NME6: variants seen among roughly 807,000 people sequenced by gnomAD.
The protein encoded by NME6 is NME/NM23 nucleoside diphosphate kinase 6, also known as nucleoside diphosphate kinase 6, mitochondrial.
A neutral mutation model predicts 22.2 loss-of-function variants in NME6; 16 were observed. The observed-to-expected ratio is 0.72, with a 90% CI of 0.49 to 1.09. The LOEUF (loss-of-function observed/expected upper bound fraction) is 1.09, where lower values mean the gene tolerates loss of function less well. NME6 is among the 50% of genes least tolerant of loss of function. The probability of loss-of-function intolerance (pLI) is 0.00; values close to 1 mark genes in which losing one functional copy is unlikely to be tolerated. For synonymous variants in NME6, 58 were observed against 85.2 expected (o/e 0.68, Z 1.76); for missense variants, 229 against 239.0 (o/e 0.96, Z 0.28).
At position 48,293,079 on chromosome 3, in the gene NME6, T is replaced by C. The variant is rs1401224042; in HGVS notation, c.*1558A>G. On this transcript the variant is annotated 3_prime_UTR_variant, in exon 6 of 6. Coordinates refer to ENST00000442597, the MANE Select transcript of NME6 (RefSeq NM_001308426.2). ...ATCCTGTGTTTTCTGCCAGCATTCA[T>C]GAAGCTGGCTCCCTAACACAAGAAG... 1 of 152,252 alleles carries C rather than the reference T, an allele frequency of 6.6e-6. No individual in the cohort carries two copies. The highest frequency in any genetic ancestry group is 1.5e-5 in the Non-Finnish European group (1 of 68,054). The allele number at this position is 152,252 out of a possible 1,614,324, so 9.4% of individuals were successfully genotyped here.
downstream of NME6, chr3:48,291,757 TTTG>T (rs2034497400): frequency 6.6e-6 from 1 of 152,264 alleles, no homozygotes; most frequent in Admixed American, 6.6e-5. Context: ...TAGGCAATAG[TTTG>T]TTTTGTTTTG....
At chr3:48,301,087 C>T (rs2035646762) in intron 1 of NME6, among the ~76,000 whole-genome samples, 1 of 152,136 alleles carries the variant, frequency 6.6e-6, no homozygotes, top group South Asian at 2.1e-4. Context: ...CACTGCCACC[C>T]CAGCACTCGA....
In NME6 at chr3:48,296,112, GA is replaced by G; in HGVS notation, c.233+6del. 6.3e-7 allele frequency: 1 copy of G among 1,598,358 alleles called. No homozygotes were observed. The highest frequency in any genetic ancestry group is 1.1e-5 in the South Asian group (1 of 90,732). Reference sequence around the variant, plus strand: ...GGATAAAGATGCTGGAACCAAATTTGAAGTACCTGGCCATGAACTCCACCAG... The same window carrying G: ...GGATAAAGATGCTGGAACCAAATTTGAGTACCTGGCCATGAACTCCACCAG... On this transcript the variant is annotated splice_donor_region_variant and intron_variant, in intron 4 of 5. Coordinates refer to ENST00000442597, the MANE Select transcript of NME6 (RefSeq NM_001308426.2).
downstream of NME6, chr3:48,290,988 T>C: frequency 3.4e-6 from 1 of 290,008 alleles, no homozygotes. Flanking sequence ...TGCGTGGTAA[T>C]TTGGTAATCG....
chr3:48,294,065 CA>C lies in NME6; in HGVS notation c.*571del, dbSNP rs1312232807. 1 of 150,252 alleles carries C rather than the reference CA, an allele frequency of 6.7e-6. No individual in the cohort carries two copies. Among genetic ancestry groups the C allele is most frequent in the Non-Finnish European group, 1.5e-5 (1 of 67,792 alleles). 9.3% of individuals were successfully genotyped at this position (150,252 alleles called of 1,614,324 possible). ...GTTTGGAGTCACTGCATTTTTTAGGCAAGTCAATTAGACAAGCTTCTTTTTT... is the reference window on the plus strand; with the variant it reads ...GTTTGGAGTCACTGCATTTTTTAGGCAGTCAATTAGACAAGCTTCTTTTTT... On this transcript the variant is annotated 3_prime_UTR_variant, in exon 6 of 6. Transcript: ENST00000442597.
At chr3:48,298,805 C>A in intron 1 of NME6, 1 of 609,542 alleles carries the variant, frequency 1.6e-6, no homozygotes, top group Admixed American at 2.8e-5. Context: ...AAAAGAAACT[C>A]AAGTTTAAAT....
At chr3:48,289,281 C>T (rs2034305671), downstream of NME6, among the ~76,000 whole-genome samples, 1 of 152,116 alleles carries the variant, frequency 6.6e-6, no homozygotes, top group South Asian at 2.1e-4. Flanking sequence ...TCAGGCTGGT[C>T]TCGAACTCCC....
chr3:48,295,404 C>A, intron 4 of NME6, 169 bp from the exon 5 acceptor site: 1 of 718,042 alleles, frequency 1.4e-6, no homozygotes, highest in South Asian at 1.9e-5. Context: ...TGCTGGTGTA[C>A]ATCAAGCCTG....
At chr3:48,291,546 GTTT>G (rs560012208), downstream of NME6, 1,022 of 169,860 alleles carry the variant, frequency 6.0e-3, 6 homozygotes, top group Middle Eastern at 0.011. Flanking sequence ...ACCCAGCTAA[GTTT>G]TTTATTTTTA....
chr3:48,297,922 C>G (rs1218602320), intron 2 of NME6: 1 of 166,746 alleles, frequency 6.0e-6, no homozygotes, highest in Non-Finnish European at 1.3e-5. Context: ...TGAAGGCCAA[C>G]AGGGAAATGG....
At chr3:48,296,251 A>T in intron 3 of NME6, 93 bp from the exon 4 acceptor site, 1 of 1,567,976 alleles carries the variant, frequency 6.4e-7, no homozygotes, top group Non-Finnish European at 8.7e-7. Flanking sequence ...AATAATAAAA[A>T]TTGTTTCAGA....
At chr3:48,290,947 C>CTAA, downstream of NME6, 1 of 274,566 alleles carries the variant, frequency 3.6e-6, no homozygotes, top group Non-Finnish European at 7.2e-6. Flanking sequence ...ACTCTCTGTG[C>CTAA]TAAGCAGTCA....
Position 48,294,479 on chromosome 3 carries a change from T to C in NME6, c.*158A>G. 1.6e-6 allele frequency: 1 copy of C among 631,816 alleles called. No individual in the cohort carries two copies. Among genetic ancestry groups the C allele is most frequent in the Non-Finnish European group, 2.8e-6 (1 of 362,896 alleles). 39.1% of individuals were successfully genotyped at this position (631,816 alleles called of 1,614,324 possible). A position where few individuals can be genotyped will look rare whatever the true frequency, so the allele number is the denominator to read the frequency against. On this transcript the variant is annotated 3_prime_UTR_variant, in exon 6 of 6. Transcript: ENST00000442597. Reference sequence around the variant, plus strand: ...GAGAAGAGGTAGATAGAAGGCTAGATCCTGGAGGATGTGCTGTGGTGAGCT... The same window carrying C: ...GAGAAGAGGTAGATAGAAGGCTAGACCCTGGAGGATGTGCTGTGGTGAGCT...
At position 48,294,513 on chromosome 3, in the gene NME6, A is replaced by G; in HGVS notation, c.*124T>C. The G allele has an allele frequency of 1.1e-6, 1 of 886,032 alleles. No individual in the cohort carries two copies. Among genetic ancestry groups the G allele is most frequent in the Non-Finnish European group, 1.7e-6 (1 of 573,134 alleles). 54.9% of individuals were successfully genotyped at this position (886,032 alleles called of 1,614,324 possible). ...ATGTGCTGTGGTGAGCTAGGCCCTC[A>G]GGCAGGTGGTGGTGCCCAGCAGAAA... On this transcript the variant is annotated 3_prime_UTR_variant, in exon 6 of 6. Transcript: ENST00000442597.
At chr3:48,297,374 CCT>C (rs900816371) in intron 2 of NME6, 1 of 153,118 alleles carries the variant, frequency 6.5e-6, no homozygotes, top group Non-Finnish European at 1.5e-5. Flanking sequence ...CTGTGCAACA[CCT>C]GTCCTTCTCC....
Position 48,298,316 on chromosome 3 carries a change from C to T in NME6, c.90+111G>A, listed in dbSNP as rs1032007307. ...GAGTTCATGGCTTCTAGCTTTGCCT[C>T]CACAGCATCCAGCACAAGTCTGTGT... On this transcript the variant is annotated intron_variant, in intron 2 of 5. Coordinates refer to ENST00000442597, the MANE Select transcript of NME6 (RefSeq NM_001308426.2). The T allele has an allele frequency of 7.3e-6, 7 of 958,328 alleles. No homozygotes were observed. The Admixed American group carries it at 1.4e-4, about 19-fold the overall frequency. The allele number at this position is 958,328 out of a possible 1,614,324, so 59.4% of individuals were successfully genotyped here. A position where few individuals can be genotyped will look rare whatever the true frequency, so the allele number is the denominator to read the frequency against.
chr3:48,288,490 C>T (rs2034277763), downstream of NME6: 1 of 151,974 alleles, frequency 6.6e-6, no homozygotes, highest in African/African-American at 2.4e-5. Context: ...TGGTACTGTG[C>T]TGGGTGACAG....
rs1397241507 is a variant in NME6 at position 48,294,813 on chromosome 3, G to A, written c.395-10C>T. The A allele has an allele frequency of 6.2e-7, 1 of 1,611,364 alleles. No homozygotes were observed. The highest frequency in any genetic ancestry group is 1.7e-5 in the Admixed American group (1 of 59,956). On this transcript the variant is annotated splice_polypyrimidine_tract_variant and intron_variant, in intron 5 of 5. Transcript: ENST00000442597. ...GCTGAAACCACAGAGTCTGTAAGGGGAGATAAGACAGAGAAGGGGTTCTCA... is the reference window on the plus strand; with the variant it reads ...GCTGAAACCACAGAGTCTGTAAGGGAAGATAAGACAGAGAAGGGGTTCTCA...
At chr3:48,300,272 C>G (rs1270913661) in intron 1 of NME6, 1 of 456,786 alleles carries the variant, frequency 2.2e-6, no homozygotes, top group Non-Finnish European at 4.4e-6. Context: ...TGGTTCCCCA[C>G]GTACCTCTCT....
Sources: allele counts gnomAD v4.1 joint callset (sites outside exome capture counted in the v4.1 genomes callset), GRCh38; gene constraint gnomAD v4.1.1; transcripts MANE v1.5; gene names NCBI Gene and HGNC (gene_info 2026-07-23, HGNC 2026-07-21).